MKLN1: variants seen among roughly 807,000 people sequenced by gnomAD.
The protein encoded by MKLN1 is muskelin 1, also known as muskelin.
Under a neutral mutation model 99.0 loss-of-function variants are expected in MKLN1, and 18 were observed. The ratio of observed to expected loss-of-function variants is 0.18; its 90% CI spans 0.13 to 0.27. The LOEUF (loss-of-function observed/expected upper bound fraction) is 0.27. MKLN1 is among the 10% of genes least tolerant of loss of function. The pLI, the probability that MKLN1 is intolerant of heterozygous loss-of-function variation, is 1.00. For synonymous variants in MKLN1, 288 were observed against 293.2 expected, an observed-to-expected ratio of 0.98 and a Z score of 0.18; for missense variants, 621 against 875.9, an observed-to-expected ratio of 0.71 and a Z score of 3.67.
intron 16 of MKLN1, among the ~76,000 whole-genome samples, chr7:131,476,203 C>A (rs1171458071): frequency 6.6e-6 from 1 of 152,138 alleles, no homozygotes; most frequent in Non-Finnish European, 1.5e-5. Context: ...TAGGGCTATT[C>A]TTAAACATTT....
chr7:131,236,099 C>T (rs937797420), intron 3 of MKLN1, among the ~76,000 whole-genome samples: 7 of 152,098 alleles, frequency 4.6e-5, no homozygotes, highest in African/African-American at 1.4e-4. Flanking sequence ...AGAAATATCA[C>T]GAGAAATTAA....
intron 1 of MKLN1, among the ~76,000 whole-genome samples, chr7:131,345,833 C>T (rs1799543408): frequency 6.6e-6 from 1 of 152,144 alleles, no homozygotes; most frequent in Admixed American, 6.5e-5. Flanking sequence ...CTTTGAGAAT[C>T]GTATCTAATA....
chr7:131,116,560 A>T (rs1338935673), intron 1 of MKLN1, among the ~76,000 whole-genome samples: 2 of 152,092 alleles, frequency 1.3e-5, no homozygotes, highest in Non-Finnish European at 2.9e-5. Flanking sequence ...GCCCTTGATG[A>T]TTACTTATTA....
chr7:131,297,489 G>C (rs965146164), intron 3 of MKLN1, among the ~76,000 whole-genome samples: 4 of 151,924 alleles, frequency 2.6e-5, no homozygotes, highest in African/African-American at 9.7e-5. Flanking sequence ...CTTGAGGGCT[G>C]ACTTTTTGTA....
intron 1 of MKLN1, among the ~76,000 whole-genome samples, chr7:131,335,594 A>G (rs915159531): frequency 5.9e-5 from 9 of 152,036 alleles, no homozygotes; most frequent in African/African-American, 1.9e-4. Flanking sequence ...CTCTCAACAC[A>G]TTTTAGCTGT....
Position 131,387,156 on chromosome 7 carries a change from C to G in MKLN1, c.205C>G (p.Gln69Glu). ...ILKLERPAIVQNITFGKYEKT... is the reference protein window; with the variant it reads ...ILKLERPAIVENITFGKYEKT... ...AAAGCTCGAAAGGCCTGCTATAGTT[C>G]AGAATATCACATTTGGAAAATATGA... Residue 69 changes from glutamine to glutamate, a missense_variant, in exon 3 of 18, where the codon CAG (glutamine) becomes GAG (glutamate). By Grantham distance (29) the Gln-to-Glu change is conservative. Transcript: ENST00000352689. The G allele has an allele frequency of 1.2e-6, 2 of 1,610,556 alleles. No individual in the cohort carries two copies. The highest frequency in any genetic ancestry group is 2.2e-5 in the South Asian group (2 of 90,590).
At chr7:131,273,404 C>T (rs1224960632) in intron 3 of MKLN1, among the ~76,000 whole-genome samples, 1 of 152,094 alleles carries the variant, frequency 6.6e-6, no homozygotes, top group East Asian at 1.9e-4. Flanking sequence ...GCTTAGTGGC[C>T]TGTGGGGTGC....
In MKLN1 at chr7:131,443,711, A is replaced by T. The variant is rs1332655932; in HGVS notation, c.1395+9A>T. The stretch of plus-strand genomic sequence containing the variant: ...GCATGTTATTCCACTCAGTAAGAAC[A>T]TTCCGTACATTGCGTAAATGTTATT... On this transcript the variant is annotated intron_variant, in intron 11 of 17. Transcript: ENST00000352689. 1.9e-6 allele frequency: 3 copies of T among 1,545,014 alleles called. No homozygotes were observed. The South Asian group carries it at 3.3e-5, about 17-fold the overall frequency.
chr7:131,433,741 A>G (rs1038421791), intron 9 of MKLN1, among the ~76,000 whole-genome samples: 1 of 152,148 alleles, frequency 6.6e-6, no homozygotes, highest in African/African-American at 2.4e-5. Context: ...CGATTACTGT[A>G]GCTTTATAGT....
At position 131,125,221 on chromosome 7, in the gene MKLN1, C is replaced by T. The variant is rs186907469; in HGVS notation, c.-419+15014C>T. Among the ~76,000 whole-genome samples, 596 of 152,340 alleles carry T rather than the reference C, an allele frequency of 3.9e-3. 3 individuals are homozygous for T. Among genetic ancestry groups the T allele is most frequent in the South Asian group, 6.2e-3 (30 of 4,828 alleles). On this transcript the variant is annotated intron_variant, in intron 1 of 7. Transcript: ENST00000416992. ...TCTGATATCTACTGACAGTCTCATT[C>T]TGCTGAAAAGTGATCGTCAAATAAA...
intron 2 of MKLN1, among the ~76,000 whole-genome samples, chr7:131,384,071 TTCAACACATAC>T (rs1390072349): frequency 2.6e-5 from 4 of 152,306 alleles, no homozygotes; most frequent in Non-Finnish European, 5.9e-5. Context: ...CCTCTTCATT[TTCAACACATAC>T]CATTTTCTGC....
chr7:131,465,859 T>C (rs1796648059), intron 14 of MKLN1, among the ~76,000 whole-genome samples: 1 of 152,164 alleles, frequency 6.6e-6, no homozygotes, highest in African/African-American at 2.4e-5. Context: ...TTAAAGTTTC[T>C]AGTTGACCTG....
rs1797339748 is a variant in MKLN1 at position 131,488,266 on chromosome 7, T to C, written c.*538T>C. On this transcript the variant is annotated 3_prime_UTR_variant, in exon 18 of 18. Coordinates refer to ENST00000352689, the MANE Select transcript of MKLN1 (RefSeq NM_013255.5). The stretch of plus-strand genomic sequence containing the variant: ...GTGTATAGTTCTCTAGGACAGTTGA[T>C]GTATGTTAAGGTGATATCTGTGTCT... The C allele has an allele frequency of 6.6e-6, 1 of 152,102 alleles. No individual in the cohort carries two copies. The highest frequency in any genetic ancestry group is 1.5e-5 in the Non-Finnish European group (1 of 68,018). The allele number at this position is 152,102 out of a possible 1,614,324, so 9.4% of individuals were successfully genotyped here. A position where few individuals can be genotyped will look rare whatever the true frequency, so the allele number is the denominator to read the frequency against.
intron 1 of MKLN1, among the ~76,000 whole-genome samples, chr7:131,335,430 T>C (rs1015736985): frequency 2.0e-5 from 3 of 152,194 alleles, no homozygotes; most frequent in Non-Finnish European, 4.4e-5. Flanking sequence ...TATCTAGGAA[T>C]AATTTAAGTA....
intron 3 of MKLN1, among the ~76,000 whole-genome samples, chr7:131,273,415 C>T (rs936997632): frequency 1.3e-5 from 2 of 152,098 alleles, no homozygotes; most frequent in African/African-American, 2.4e-5. Flanking sequence ...TGTGGGGTGC[C>T]CCTGCACTTT....
chr7:131,134,121 C>T (rs1273081392), intron 1 of MKLN1, among the ~76,000 whole-genome samples: 3 of 152,126 alleles, frequency 2.0e-5, no homozygotes, highest in South Asian at 2.1e-4. Context: ...TGAGCCAACG[C>T]GCCCGGCCAG....
intron 3 of MKLN1, among the ~76,000 whole-genome samples, chr7:131,262,301 G>A (rs575802800): frequency 6.6e-6 from 1 of 151,970 alleles, no homozygotes; most frequent in African/African-American, 2.4e-5. Flanking sequence ...GCTGGTCGTG[G>A]TGGCGTGCGA....
chr7:131,482,407 G>C (rs1797150629), intron 17 of MKLN1, among the ~76,000 whole-genome samples: 1 of 151,988 alleles, frequency 6.6e-6, no homozygotes, highest in Non-Finnish European at 1.5e-5. Flanking sequence ...AGATCTCACT[G>C]TATTGCCCAG....
chr7:131,275,557 ATATATATATATTTT>A (rs1199590608), intron 3 of MKLN1, among the ~76,000 whole-genome samples: 213 of 15,556 alleles, frequency 0.014, 3 homozygotes, highest in African/African-American at 0.066. Flanking sequence ...ATATATATAT[ATATATATATATTTT>A]TTTTTTTTTT....
Sources: gnomAD v4.1 joint callset for allele counts (sites outside exome capture counted in the v4.1 genomes callset) on GRCh38, gnomAD v4.1.1 for gene constraint, MANE v1.5 for transcripts, NCBI Gene and HGNC (gene_info 2026-07-23, HGNC 2026-07-21) for gene names.